VWC2: variants seen among roughly 807,000 people sequenced by gnomAD.
The protein encoded by VWC2 is von Willebrand factor C domain containing 2.
In VWC2, 14 loss-of-function variants were observed where a neutral mutation model predicts 29.8. That is an observed-to-expected ratio of 0.47 (90% CI 0.31 to 0.74). The LOEUF (loss-of-function observed/expected upper bound fraction) is 0.74. Ranked by LOEUF, VWC2 falls within the 30% of genes least tolerant of loss-of-function variation. The pLI, the probability that VWC2 is intolerant of heterozygous loss-of-function variation, is 0.05. For missense variants in VWC2, 457 were observed against 459.8 expected (o/e 0.99, Z 0.05); for synonymous variants, 213 against 199.0 (o/e 1.07, Z -0.59).
intron 3 of VWC2, among the ~76,000 whole-genome samples, chr7:49,821,779 G>T (rs1330629082): frequency 6.6e-6 from 1 of 151,748 alleles, no homozygotes; most frequent in Non-Finnish European, 1.5e-5. Flanking sequence ...ATTATTTTTT[G>T]ACTCATACTT....
At position 49,790,282 on chromosome 7, in the gene VWC2, C is replaced by G. The variant is rs533997374; in HGVS notation, c.697-12429C>G. 6.6e-5 allele frequency among the ~76,000 whole-genome samples: 10 copies of G among 152,216 alleles called. No individual in the cohort carries two copies. In the East Asian group the frequency reaches 1.3e-3, roughly 21 times the overall value. The stretch of plus-strand genomic sequence containing the variant: ...AGAAGGAAAAGTTGTCTGTGGTGCC[C>G]GAGAAGAAAGCTGTATTGCCTCAGA... On this transcript the variant is annotated intron_variant, in intron 2 of 3. Coordinates refer to ENST00000340652, the MANE Select transcript of VWC2 (RefSeq NM_198570.5).
intron 2 of VWC2, among the ~76,000 whole-genome samples, chr7:49,787,213 C>A (rs998679414): frequency 6.6e-5 from 10 of 152,200 alleles, no homozygotes; most frequent in Non-Finnish European, 1.2e-4. Flanking sequence ...ACCCTTAGGG[C>A]AATAGGCCAA....
intron 3 of VWC2, among the ~76,000 whole-genome samples, chr7:49,847,209 C>T (rs919050903): frequency 2.5e-4 from 37 of 148,790 alleles, no homozygotes; most frequent in African/African-American, 8.8e-4. Context: ...ATGTGTGAAC[C>T]TATTATAATA....
intron 2 of VWC2, among the ~76,000 whole-genome samples, chr7:49,787,131 A>C (rs1344417486): frequency 6.6e-6 from 1 of 152,160 alleles, no homozygotes; most frequent in Non-Finnish European, 1.5e-5. Flanking sequence ...AGCCATGGGC[A>C]ATTTTTCCTA....
chr7:49,877,481 A>AAAAAAATATACATATATATAT lies in VWC2; in HGVS notation c.827-34552_827-34551insAAAAATATACATATATATATA. 3.6e-3 allele frequency among the ~76,000 whole-genome samples: 46 copies of AAAAAAATATACATATATATAT among 12,722 alleles called. 10 individuals carry two copies. Among genetic ancestry groups the AAAAAAATATACATATATATAT allele is most frequent in the African/African-American group, 9.4e-3 (34 of 3,598 alleles). 8.3% of individuals were successfully genotyped at this position (12,722 alleles called of 152,430 possible). ...CTGTCTCAAAAAAAAAAAAAAAAAA[A>AAAAAAATATACATATATATAT]ATATATATATATATATATATATATA... On this transcript the variant is annotated intron_variant, in intron 3 of 3. Transcript: ENST00000340652.
chr7:49,903,787 A>C (rs1178142944), intron 3 of VWC2, among the ~76,000 whole-genome samples: 2 of 152,198 alleles, frequency 1.3e-5, no homozygotes, highest in African/African-American at 4.8e-5. Context: ...GACACACACA[A>C]AGAGTTTGGG....
intron 2 of VWC2, among the ~76,000 whole-genome samples, chr7:49,791,673 A>G (rs1422069622): frequency 2.6e-5 from 4 of 152,162 alleles, no homozygotes; most frequent in Non-Finnish European, 5.9e-5. Context: ...CTCCAGGCTG[A>G]CTCAAGCCAG....
At chr7:49,782,439 A>G (rs1344103705) in intron 2 of VWC2, among the ~76,000 whole-genome samples, 1 of 151,982 alleles carries the variant, frequency 6.6e-6, no homozygotes, top group Non-Finnish European at 1.5e-5. Context: ...AGCTTCTGGG[A>G]CTTTGAGGAC....
At chr7:49,911,275 A>G (rs887302024) in intron 3 of VWC2, among the ~76,000 whole-genome samples, 1 of 151,982 alleles carries the variant, frequency 6.6e-6, no homozygotes, top group Admixed American at 6.5e-5. Context: ...CGAGGTCAAG[A>G]GATCGAGACC....
At chr7:49,789,366 T>C (rs1052984959) in intron 2 of VWC2, among the ~76,000 whole-genome samples, 1 of 151,546 alleles carries the variant, frequency 6.6e-6, no homozygotes, top group East Asian at 1.9e-4. Flanking sequence ...TGTGTGTGTG[T>C]GAGTGTGAGT....
intron 3 of VWC2, among the ~76,000 whole-genome samples, chr7:49,871,908 AACACACACACACACACACACACACAC>A (rs72332840): frequency 5.7e-5 from 5 of 87,906 alleles, no homozygotes; most frequent in Admixed American, 1.3e-4. Context: ...TGTGTATATA[AACACACACACACACACACACACACAC>A]ACACACACAC....
intron 3 of VWC2, among the ~76,000 whole-genome samples, chr7:49,877,481 A>AAAAAATATAC: frequency 0.033 from 415 of 12,718 alleles, 129 homozygotes; most frequent in Non-Finnish European, 0.049. Flanking sequence ...AAAAAAAAAA[A>AAAAAATATAC]ATATATATAT....
At position 49,914,849 on chromosome 7, in the gene VWC2, G is replaced by A. The variant is rs1028139513; in HGVS notation, c.*2664G>A. The A allele has an allele frequency of 4.6e-5, 7 of 152,096 alleles. No homozygotes were observed. Among genetic ancestry groups the A allele is most frequent in the African/African-American group, 1.4e-4 (6 of 41,410 alleles). The allele number at this position is 152,096 out of a possible 1,614,324, so 9.4% of individuals were successfully genotyped here. A position where few individuals can be genotyped will look rare whatever the true frequency, so the allele number is the denominator to read the frequency against. ...TGGTTTGGAGATAGCACAGAAAAGG[G>A]GGCCTCAGAATTCAAGTATAGAAGT... On this transcript the variant is annotated 3_prime_UTR_variant, in exon 4 of 4. Coordinates refer to ENST00000340652, the MANE Select transcript of VWC2 (RefSeq NM_198570.5).
chr7:49,893,417 A>G (rs1268589397), intron 3 of VWC2, among the ~76,000 whole-genome samples: 1 of 152,198 alleles, frequency 6.6e-6, no homozygotes, highest in African/African-American at 2.4e-5. Flanking sequence ...TTTGATGAAG[A>G]TTATTTCTTC....
At chr7:49,851,735 A>G (rs1790186022) in intron 3 of VWC2, among the ~76,000 whole-genome samples, 1 of 152,120 alleles carries the variant, frequency 6.6e-6, no homozygotes, top group Non-Finnish European at 1.5e-5. Context: ...GCACACGCCT[A>G]TAATCCCAGC....
intron 3 of VWC2, among the ~76,000 whole-genome samples, chr7:49,874,696 T>G (rs1277625304): frequency 1.3e-5 from 2 of 152,196 alleles, no homozygotes; most frequent in Non-Finnish European, 2.9e-5. Flanking sequence ...AACCTTTACT[T>G]ATAAAATTAT....
chr7:49,879,666 T>C (rs893732070), intron 3 of VWC2, among the ~76,000 whole-genome samples: 1 of 152,144 alleles, frequency 6.6e-6, no homozygotes, highest in African/African-American at 2.4e-5. Context: ...TACTGCAGTT[T>C]TTGTGATATT....
At chr7:49,911,334 T>A (rs1793410994) in intron 3 of VWC2, among the ~76,000 whole-genome samples, 1 of 151,660 alleles carries the variant, frequency 6.6e-6, no homozygotes, top group Non-Finnish European at 1.5e-5. Flanking sequence ...ATACAAAAAT[T>A]AGCTGGGTGT....
intron 2 of VWC2, among the ~76,000 whole-genome samples, chr7:49,779,655 G>C (rs1788132007): frequency 6.6e-6 from 1 of 151,874 alleles, no homozygotes; most frequent in Non-Finnish European, 1.5e-5. Context: ...TAGTCTGCTA[G>C]GGCTGCCAGA....
Sources: gnomAD v4.1 joint callset for allele counts (sites outside exome capture counted in the v4.1 genomes callset) on GRCh38, gnomAD v4.1.1 for gene constraint, MANE v1.5 for transcripts, NCBI Gene and HGNC (gene_info 2026-07-23, HGNC 2026-07-21) for gene names.